Variants in CAPN5 observed in about 807,000 individuals in gnomAD.
The protein encoded by CAPN5 is calpain 5.
Under a neutral mutation model 73.0 loss-of-function variants are expected in CAPN5, and 54 were observed. That is an observed-to-expected ratio of 0.74 (90% CI 0.59 to 0.93). The LOEUF (loss-of-function observed/expected upper bound fraction) is 0.93. CAPN5 is among the 40% of genes least tolerant of loss of function. The probability of loss-of-function intolerance (pLI) is 0.00; values close to 1 mark genes in which losing one functional copy is unlikely to be tolerated. For missense variants in CAPN5, 785 were observed against 882.9 expected, an observed-to-expected ratio of 0.89 and a Z score of 1.41; for synonymous variants, 335 against 356.9, an observed-to-expected ratio of 0.94 and a Z score of 0.69.
rs371179914 is a variant in CAPN5, at chr11:77,075,160, G to A, written c.-36+8066G>A. On this transcript the variant is annotated intron_variant, in intron 1 of 12. Coordinates refer to ENST00000648180, the MANE Select transcript of CAPN5 (RefSeq NM_004055.5). ...CACATGGCATCCCGGGGCCTCTGGC[G>A]GGATCCTCTGCAGCCTCATCCATGA... is the stretch of plus-strand genomic sequence containing the variant. Among the ~76,000 whole-genome samples the A allele has an allele frequency of 2.7e-3, 407 of 152,220 alleles. 1 individual carries two copies. Among genetic ancestry groups the A allele is most frequent in the African/African-American group, 8.4e-3 (349 of 41,542 alleles).
At chr11:77,074,555 G>C (rs1555033651) in intron 1 of CAPN5, among the ~76,000 whole-genome samples, 1 of 152,190 alleles carries the variant, frequency 6.6e-6, no homozygotes, top group African/African-American at 2.4e-5. Flanking sequence ...CACCAGCAAA[G>C]ATGTGCAAGT....
chr11:77,115,644 G>T, intron 6 of CAPN5, 56 bp downstream of exon 6: 2 of 1,476,960 alleles, frequency 1.4e-6, no homozygotes, highest in Non-Finnish European at 1.9e-6. Flanking sequence ...GACAAGGACG[G>T]GTGGGCTTCT....
chr11:77,116,345 T>C, intron 7 of CAPN5, 42 bp downstream of exon 7: 1 of 1,530,102 alleles, frequency 6.5e-7, no homozygotes, highest in Non-Finnish European at 9.0e-7. Flanking sequence ...CTGAGGGGGC[T>C]TCCCACGGGC....
rs376161751 is a variant in CAPN5 at position 77,112,837 on chromosome 11, C to T, written c.506+40C>T. On this transcript the variant is annotated intron_variant, in intron 4 of 12. Coordinates refer to ENST00000648180, the MANE Select transcript of CAPN5 (RefSeq NM_004055.5). ...CAGGCAGGTGGGTGGGAGGCCCAGACGGGGGTGGCACCGGATGGGCTCCTC... is the reference window on the plus strand; with the variant it reads ...CAGGCAGGTGGGTGGGAGGCCCAGATGGGGGTGGCACCGGATGGGCTCCTC... The T allele has an allele frequency of 1.5e-5, 24 of 1,588,458 alleles. No individual in the cohort carries two copies. The Middle Eastern group carries it at 5.0e-4, about 33-fold the overall frequency.
chr11:77,115,169 C>T (rs1252590795), intron 5 of CAPN5, among the ~76,000 whole-genome samples: 2 of 152,314 alleles, frequency 1.3e-5, no homozygotes, highest in South Asian at 4.1e-4. Flanking sequence ...AGCCAGTGCA[C>T]GTGGGCCCCA....
chr11:77,068,961 C>G (rs2135401274), intron 1 of CAPN5, among the ~76,000 whole-genome samples: 1 of 152,262 alleles, frequency 6.6e-6, no homozygotes, highest in South Asian at 2.1e-4. Context: ...GACACTGCTC[C>G]CAGGCCAGCA....
intron 2 of CAPN5, among the ~76,000 whole-genome samples, chr11:77,086,636 C>G (rs1462812209): frequency 6.6e-6 from 1 of 152,194 alleles, no homozygotes; most frequent in African/African-American, 2.4e-5. Flanking sequence ...GGGAGGGAGG[C>G]CTTGGCCTCA....
intron 1 of CAPN5, among the ~76,000 whole-genome samples, chr11:77,081,083 C>T (rs1305918593): frequency 6.6e-6 from 1 of 152,128 alleles, no homozygotes; most frequent in Non-Finnish European, 1.5e-5. Flanking sequence ...GAGATGATGG[C>T]CAGCTAAGCC....
At chr11:77,090,712 A>G (rs868975882) in intron 2 of CAPN5, among the ~76,000 whole-genome samples, 7 of 151,984 alleles carry the variant, frequency 4.6e-5, no homozygotes, top group Non-Finnish European at 1.5e-5. Flanking sequence ...TTCTCTTTCC[A>G]TGGCATGATG....
chr11:77,113,159 A>C (rs1001674100), intron 4 of CAPN5, among the ~76,000 whole-genome samples: 1 of 152,108 alleles, frequency 6.6e-6, no homozygotes, highest in African/African-American at 2.4e-5. Flanking sequence ...GGAAGTGGTA[A>C]CTGAGCTGGG....
chr11:77,067,210 G>C (rs1949851783), intron 1 of CAPN5, 116 bp downstream of exon 1: 1 of 151,726 alleles, frequency 6.6e-6, no homozygotes, highest in African/African-American at 2.4e-5. Flanking sequence ...CGAATCAGTG[G>C]AGGGGGCTGC....
chr11:77,079,789 G>C (rs1950010674), intron 1 of CAPN5, among the ~76,000 whole-genome samples: 1 of 146,572 alleles, frequency 6.8e-6, no homozygotes, highest in Admixed American at 6.7e-5. Context: ...GAGATTGTGT[G>C]TGTGTGTGTG....
intron 3 of CAPN5, among the ~76,000 whole-genome samples, chr11:77,098,550 G>A (rs1950242104): frequency 1.1e-5 from 1 of 89,586 alleles, no homozygotes; most frequent in African/African-American, 5.0e-5. Context: ...CCGGGCGGGG[G>A]GCTGACCCCC....
intron 1 of CAPN5, among the ~76,000 whole-genome samples, chr11:77,078,033 T>C (rs1949991303): frequency 6.6e-6 from 1 of 152,254 alleles, no homozygotes; most frequent in Non-Finnish European, 1.5e-5. Context: ...GTTCTGTTGA[T>C]TGTTTTCTTT....
chr11:77,104,401 G>A (rs1555039529), intron 3 of CAPN5, among the ~76,000 whole-genome samples: 1 of 152,194 alleles, frequency 6.6e-6, no homozygotes, highest in Non-Finnish European at 1.5e-5. Flanking sequence ...CTTCTTCAAT[G>A]CAGCTGAGGG....
At chr11:77,093,599 G>T in intron 2 of CAPN5, 83 bp from the exon 3 acceptor site, 1 of 1,359,662 alleles carries the variant, frequency 7.4e-7, no homozygotes, top group Non-Finnish European at 9.7e-7. Flanking sequence ...TGTCTGTCAC[G>T]TCTGTGTCTG....
intron 2 of CAPN5, among the ~76,000 whole-genome samples, chr11:77,090,998 C>A (rs1327222312): frequency 6.6e-6 from 1 of 152,186 alleles, no homozygotes; most frequent in African/African-American, 2.4e-5. Flanking sequence ...CTGCAGAAGC[C>A]GCCGTGCAGG....
intron 3 of CAPN5, among the ~76,000 whole-genome samples, chr11:77,101,437 G>A (rs1555038822): frequency 6.6e-6 from 1 of 152,210 alleles, no homozygotes. Context: ...GGTTCTGTGA[G>A]GATCAGGCAG....
chr11:77,114,448 A>G lies in CAPN5; in HGVS notation c.699+14A>G. 3 of 1,612,168 alleles carry G rather than the reference A, an allele frequency of 1.9e-6. No homozygotes were observed. Among genetic ancestry groups the G allele is most frequent in the Non-Finnish European group, 2.5e-6 (3 of 1,178,316 alleles). Reference sequence around the variant, plus strand: ...GCCTCCATCAAGGTGAGAACACGGCAGTCCCCAGAGGCGACCCCTCCCCTT... The same window carrying G: ...GCCTCCATCAAGGTGAGAACACGGCGGTCCCCAGAGGCGACCCCTCCCCTT... On this transcript the variant is annotated intron_variant, in intron 5 of 12. Coordinates refer to ENST00000648180, the MANE Select transcript of CAPN5 (RefSeq NM_004055.5).
Sources: allele counts gnomAD v4.1 joint callset (sites outside exome capture counted in the v4.1 genomes callset), GRCh38; gene constraint gnomAD v4.1.1; transcripts MANE v1.5; gene names NCBI Gene and HGNC (gene_info 2026-07-23, HGNC 2026-07-21).